KIF23: variants seen among roughly 807,000 people sequenced by gnomAD.
KIF23 encodes the protein kinesin-like protein KIF23.
Under a neutral mutation model 137.5 loss-of-function variants are expected in KIF23, and 30 were observed. That is an observed-to-expected ratio of 0.22 (90% CI 0.16 to 0.30). The LOEUF (loss-of-function observed/expected upper bound fraction) is 0.30, where lower values mean the gene tolerates loss of function less well. Ranked by LOEUF, KIF23 falls within the 10% of genes least tolerant of loss-of-function variation. The probability of loss-of-function intolerance (pLI) is 1.00; values close to 1 mark genes in which losing one functional copy is unlikely to be tolerated. For synonymous variants in KIF23, 367 were observed against 391.1 expected, an observed-to-expected ratio of 0.94 and a Z score of 0.73; for missense variants, 920 against 1,194.3, an observed-to-expected ratio of 0.77 and a Z score of 3.38.
chr15:69,445,720 C>T (rs1164288198), intron 20 of KIF23, among the ~76,000 whole-genome samples: 1 of 152,046 alleles, frequency 6.6e-6, no homozygotes, highest in Non-Finnish European at 1.5e-5. Context: ...TTTCTTGATC[C>T]TTAGTGCAGT....
In KIF23 at chr15:69,422,444, T is replaced by G. The variant is rs771897231; in HGVS notation, c.563+9T>G. The G allele has an allele frequency of 2.0e-6, 3 of 1,505,418 alleles. No individual in the cohort carries two copies. Among genetic ancestry groups the G allele is most frequent in the East Asian group, 2.3e-5 (1 of 44,326 alleles). 93.3% of individuals were successfully genotyped at this position (1,505,418 alleles called of 1,614,324 possible). A position where few individuals can be genotyped will look rare whatever the true frequency, so the allele number is the denominator to read the frequency against. ...AAGACTTCTTCTAGCAAGTAAGTAA[T>G]TATATTTGTCTGCAGCACTGGCCTA... On this transcript the variant is annotated intron_variant, in intron 6 of 23. Transcript: ENST00000679126.
At chr15:69,429,728 G>A (rs2057306491) in intron 11 of KIF23, among the ~76,000 whole-genome samples, 1 of 152,106 alleles carries the variant, frequency 6.6e-6, no homozygotes, top group African/African-American at 2.4e-5. Context: ...GAGGAAAGTT[G>A]TATTCAATTA....
chr15:69,447,495 A>G (rs1032324408), intron 23 of KIF23, among the ~76,000 whole-genome samples: 3 of 152,192 alleles, frequency 2.0e-5, no homozygotes, highest in African/African-American at 7.2e-5. Context: ...ACATATATGT[A>G]TATCACATGT....
intron 1 of KIF23, 60 bp downstream of exon 1, chr15:69,414,536 G>A: frequency 6.8e-7 from 1 of 1,469,896 alleles, no homozygotes. Flanking sequence ...CCTCGGGGCT[G>A]GGGGCAGGCG....
chr15:69,445,651 CAG>C (rs1381479244), intron 20 of KIF23, among the ~76,000 whole-genome samples: 7 of 151,492 alleles, frequency 4.6e-5, no homozygotes, highest in African/African-American at 4.9e-5. Context: ...ATATGGGCAA[CAG>C]GGGGCACTCA....
chr15:69,440,536 T>G (rs1322423300), intron 18 of KIF23, 49 bp downstream of exon 18: 2 of 1,497,038 alleles, frequency 1.3e-6, no homozygotes, highest in Non-Finnish European at 1.8e-6. Flanking sequence ...GAAATTTTGT[T>G]CAGATTAGAT....
chr15:69,438,725 G>A (rs1174625333), intron 16 of KIF23, among the ~76,000 whole-genome samples: 3 of 152,024 alleles, frequency 2.0e-5, no homozygotes, highest in African/African-American at 7.3e-5. Flanking sequence ...CGCTTGAACT[G>A]GGGAGGTGGA....
chr15:69,419,389 C>T lies in KIF23; in HGVS notation c.210+1878C>T, dbSNP rs548539200. 4.6e-5 allele frequency among the ~76,000 whole-genome samples: 7 copies of T among 152,312 alleles called. No homozygotes were observed. In the South Asian group the frequency reaches 8.3e-4, roughly 18 times the overall value. ...TGAACAGACAAAATCCTGCTTCATC[C>T]GTCTCCCATCTGTCTCTCCACCTTC... is the stretch of plus-strand genomic sequence containing the variant. On this transcript the variant is annotated intron_variant, in intron 3 of 23. Coordinates refer to ENST00000679126, the MANE Select transcript of KIF23 (RefSeq NM_001367805.3).
In KIF23 at chr15:69,444,010, A is replaced by C. The variant is rs2057689854; in HGVS notation, c.2422-780A>C. The C allele has an allele frequency of 6.6e-6, 1 of 151,914 alleles. No homozygotes were observed. Among genetic ancestry groups the C allele is most frequent in the Non-Finnish European group, 1.5e-5 (1 of 68,010 alleles). 9.4% of individuals were successfully genotyped at this position (151,914 alleles called of 1,614,324 possible). Reference sequence around the variant, plus strand: ...GTTTTTGTTGAGTCTGGGTTTCACCATGTTGCCTAGGCTGAACTTGAACTT... The same window carrying C: ...GTTTTTGTTGAGTCTGGGTTTCACCCTGTTGCCTAGGCTGAACTTGAACTT... On this transcript the variant is annotated intron_variant, in intron 19 of 23. Coordinates refer to ENST00000679126, the MANE Select transcript of KIF23 (RefSeq NM_001367805.3). This position sits in a 1 kb window ranked among gnomAD's most constrained non-coding sequence, Gnocchi z 4.2.
At chr15:69,420,099 T>C (rs1198609566) in intron 3 of KIF23, among the ~76,000 whole-genome samples, 1 of 152,008 alleles carries the variant, frequency 6.6e-6, no homozygotes, top group Non-Finnish European at 1.5e-5. Flanking sequence ...ACCCCATCAC[T>C]ACTAAAAATA....
rs2057489584 is a variant in KIF23 at position 69,436,652 on chromosome 15, A to G, written c.1527A>G (p.Pro509=). 2.5e-6 allele frequency: 4 copies of G among 1,611,574 alleles called. No individual in the cohort carries two copies. Among genetic ancestry groups the G allele is most frequent in the Non-Finnish European group, 3.4e-6 (4 of 1,178,380 alleles). ...ATATCAACGATGAGCAGACACTTCC[A>G]AGGCTGATTGAAGCCTTAGAGAAAC... is the stretch of plus-strand genomic sequence containing the variant. ...ILDINDEQTL[P]RLIEALEKRH... is the part of the protein sequence containing the mutation. Residue 509 remains proline, a synonymous_variant, in exon 15 of 24, where the codon CCA becomes CCG. Transcript: ENST00000679126.
rs1192707477 is a variant in KIF23, at chr15:69,439,933, C to A, written c.1785C>A (p.Ile595=). ...KIEILEKTTT[I]YEEDKRNLQQ... The stretch of plus-strand genomic sequence containing the variant: ...AGATTTTAGAGAAAACAACTACTAT[C>A]TATGAGGAAGATAAACGCAATTTGC... Residue 595 remains isoleucine (I), a synonymous_variant, in exon 17 of 24, where the codon ATC becomes ATA. Coordinates refer to ENST00000679126, the MANE Select transcript of KIF23 (RefSeq NM_001367805.3). 2 of 1,613,734 alleles carry A rather than the reference C, an allele frequency of 1.2e-6. No homozygotes were observed. Among genetic ancestry groups the A allele is most frequent in the Non-Finnish European group, 1.7e-6 (2 of 1,179,788 alleles).
intron 3 of KIF23, 56 bp downstream of exon 3, chr15:69,417,567 T>G: frequency 6.4e-7 from 1 of 1,552,236 alleles, no homozygotes; most frequent in Non-Finnish European, 8.7e-7. Context: ...CCTGAATGAC[T>G]TCTAGATTTT....
At chr15:69,426,886 CTT>C (rs1315293022) in intron 10 of KIF23, among the ~76,000 whole-genome samples, 1 of 152,074 alleles carries the variant, frequency 6.6e-6, no homozygotes, top group Non-Finnish European at 1.5e-5. Context: ...CATGTACAGA[CTT>C]TTTTTGGTCA....
chr15:69,432,417 G>A (rs2057376861), intron 11 of KIF23, among the ~76,000 whole-genome samples: 1 of 152,116 alleles, frequency 6.6e-6, no homozygotes, highest in African/African-American at 2.4e-5. Context: ...AATAAACCAG[G>A]GACTGGCATG....
chr15:69,434,537 T>G (rs2057426777), intron 11 of KIF23: 1 of 872,800 alleles, frequency 1.1e-6, no homozygotes. Context: ...CTCATAGTTT[T>G]CTTTAACTGG....
intron 23 of KIF23, among the ~76,000 whole-genome samples, chr15:69,447,178 T>C (rs924909469): frequency 6.6e-6 from 1 of 152,192 alleles, no homozygotes; most frequent in Admixed American, 6.5e-5. Flanking sequence ...TGGTGGAAGA[T>C]TGGTGGCTCA....
In KIF23 at chr15:69,423,324, A is replaced by G; in HGVS notation, c.729A>G (p.Lys243=). ...LLEEVPFDPI[K]PKWNSCSTPM... ...AAGAGGTGCCGTTTGATCCCATAAAACCCAAGTAAGTAATAAAGAGAGCCC... is the reference window on the plus strand; with the variant it reads ...AAGAGGTGCCGTTTGATCCCATAAAGCCCAAGTAAGTAATAAAGAGAGCCC... Residue 243 remains lysine, a synonymous_variant, in exon 7 of 24, where the codon AAA becomes AAG. Transcript: ENST00000679126. 1 of 1,556,892 alleles carries G rather than the reference A, an allele frequency of 6.4e-7. No individual in the cohort carries two copies.
chr15:69,441,126 T>G, intron 19 of KIF23, 47 bp downstream of exon 19: 1 of 1,485,438 alleles, frequency 6.7e-7, no homozygotes, highest in Non-Finnish European at 9.1e-7. Flanking sequence ...AGATTTTATC[T>G]TCTTTGTTTT....
Sources: allele counts gnomAD v4.1 joint callset (sites outside exome capture counted in the v4.1 genomes callset), GRCh38; gene constraint gnomAD v4.1.1; non-coding constraint Gnocchi (gnomAD v3.1); transcripts MANE v1.5; gene names NCBI Gene and HGNC (gene_info 2026-07-23, HGNC 2026-07-21).